NSMAF: variants seen among roughly 807,000 people sequenced by gnomAD.
The protein encoded by NSMAF is protein FAN.
NSMAF carries 90 observed loss-of-function variants against 134.9 expected under a neutral mutation model. The ratio of observed to expected loss-of-function variants is 0.67; its 90% CI spans 0.56 to 0.79. The LOEUF is 0.79. Ranked by LOEUF, NSMAF falls within the 30% of genes least tolerant of loss-of-function variation. The pLI is 0.00. For missense variants in NSMAF, 1,010 were observed against 1,119.0 expected, an observed-to-expected ratio of 0.90 and a Z score of 1.39; for synonymous variants, 358 against 389.6, an observed-to-expected ratio of 0.92 and a Z score of 0.96.
chr8:58,618,259 A>G (rs953899831), intron 9 of NSMAF, among the ~76,000 whole-genome samples: 2 of 152,154 alleles, frequency 1.3e-5, no homozygotes, highest in African/African-American at 2.4e-5. Context: ...ATGTATACCT[A>G]TGTATCAAAC....
At chr8:58,589,707 C>T in intron 25 of NSMAF, 132 bp from the exon 26 acceptor site, 4 of 853,728 alleles carry the variant, frequency 4.7e-6, no homozygotes, top group Non-Finnish European at 6.7e-6. Context: ...ATTGCTTGTT[C>T]TCAAATTACT....
At chr8:58,585,035 CAA>C (rs1272433372) in intron 30 of NSMAF, among the ~76,000 whole-genome samples, 10 of 152,146 alleles carry the variant, frequency 6.6e-5, no homozygotes, top group African/African-American at 2.4e-5. Context: ...CAAGGGATAA[CAA>C]GAGACACTAG....
chr8:58,623,448 A>G, intron 7 of NSMAF, 24 bp from the exon 8 acceptor site: 1 of 1,607,394 alleles, frequency 6.2e-7, no homozygotes, highest in Non-Finnish European at 8.5e-7. Flanking sequence ...AACAGACATG[A>G]ATTTATTTTT....
intron 12 of NSMAF, among the ~76,000 whole-genome samples, chr8:58,604,611 A>G (rs1806362727): frequency 6.6e-6 from 1 of 151,210 alleles, no homozygotes; most frequent in Admixed American, 6.6e-5. Flanking sequence ...CTGAAAGCCA[A>G]GTATTCCTCC....
chr8:58,658,070 T>C (rs1443049511), intron 1 of NSMAF, among the ~76,000 whole-genome samples: 1 of 151,926 alleles, frequency 6.6e-6, no homozygotes, highest in East Asian at 1.9e-4. Flanking sequence ...CCAATATGAG[T>C]ATTGGCACGA....
At position 58,594,413 on chromosome 8, in the gene NSMAF, G is replaced by A. The variant is rs113075924; in HGVS notation, c.1893-123C>T. 27 of 839,712 alleles carry A rather than the reference G, an allele frequency of 3.2e-5. 1 individual carries two copies. The highest frequency in any genetic ancestry group is 1.3e-4 in the African/African-American group (8 of 59,266). The allele number at this position is 839,712 out of a possible 1,614,324, so 52.0% of individuals were successfully genotyped here. ...TTTTTTTCTTCACAGCATGTCTGCCGGATCTGTCCCAGCATAAACCTGCCA... is the reference window on the plus strand; with the variant it reads ...TTTTTTTCTTCACAGCATGTCTGCCAGATCTGTCCCAGCATAAACCTGCCA... On this transcript the variant is annotated intron_variant, in intron 22 of 30. Coordinates refer to ENST00000038176, the MANE Select transcript of NSMAF (RefSeq NM_003580.4).
chr8:58,630,932 T>G (rs1244562162), intron 6 of NSMAF, among the ~76,000 whole-genome samples: 1 of 152,104 alleles, frequency 6.6e-6, no homozygotes, highest in East Asian at 1.9e-4. Context: ...CTGTAAAAAC[T>G]CTCTTTTAGT....
Position 58,586,221 on chromosome 8 carries a change from A to C in NSMAF, c.2447-221T>G. 3 of 620,864 alleles carry C rather than the reference A, an allele frequency of 4.8e-6. No individual in the cohort carries two copies. In the Admixed American group the frequency reaches 8.7e-5, roughly 18 times the overall value. 38.5% of individuals were successfully genotyped at this position (620,864 alleles called of 1,614,324 possible). On this transcript the variant is annotated intron_variant, in intron 28 of 30. Coordinates refer to ENST00000038176, the MANE Select transcript of NSMAF (RefSeq NM_003580.4). ...GATTATGAGTTCATTTTTATCTTAA[A>C]TTAATTTCTCTAATGAGGAATTAAA...
intron 9 of NSMAF, among the ~76,000 whole-genome samples, chr8:58,618,553 G>C (rs1027107299): frequency 1.6e-4 from 25 of 151,676 alleles, no homozygotes; most frequent in African/African-American, 5.8e-4. Flanking sequence ...AGATGGTTCA[G>C]AAAAAATATA....
At chr8:58,653,119 C>T (rs909058160) in intron 1 of NSMAF, among the ~76,000 whole-genome samples, 1 of 151,710 alleles carries the variant, frequency 6.6e-6, no homozygotes, top group Non-Finnish European at 1.5e-5. Context: ...GGTTCTTACA[C>T]TGGTAGAGAG....
Position 58,589,586 on chromosome 8 carries a change from A to G in NSMAF, c.2088-11T>C. 10 of 1,563,954 alleles carry G rather than the reference A, an allele frequency of 6.4e-6. No homozygotes were observed. Among genetic ancestry groups the G allele is most frequent in the Non-Finnish European group, 8.6e-6 (10 of 1,165,506 alleles). ...ATGGAATAAAAATAGCTAAAAGATA[A>G]TGAGAAGCATTAAAACAGTAGTCTG... On this transcript the variant is annotated splice_polypyrimidine_tract_variant and intron_variant, in intron 25 of 30. Coordinates refer to ENST00000038176, the MANE Select transcript of NSMAF (RefSeq NM_003580.4).
intron 2 of NSMAF, among the ~76,000 whole-genome samples, chr8:58,642,422 T>A (rs1300577699): frequency 6.6e-6 from 1 of 152,232 alleles, no homozygotes; most frequent in African/African-American, 2.4e-5. Context: ...TCTGTTTTTA[T>A]AGTAGTGAGT....
chr8:58,618,743 C>T (rs1484958601), intron 9 of NSMAF, among the ~76,000 whole-genome samples: 9 of 152,078 alleles, frequency 5.9e-5, no homozygotes, highest in African/African-American at 1.9e-4. Flanking sequence ...CAACTTGTGA[C>T]AGTTTAAAAT....
Position 58,590,933 on chromosome 8 carries a change from A to C in NSMAF, c.1953T>G (p.Asp651Glu). The C allele has an allele frequency of 6.4e-7, 1 of 1,569,472 alleles. No individual in the cohort carries two copies. Among genetic ancestry groups the C allele is most frequent in the Non-Finnish European group, 8.7e-7 (1 of 1,147,638 alleles). The stretch of plus-strand genomic sequence containing the variant: ...CTTTAGAAAACATCTTCAAGGTGGA[A>C]TCTAATTTAATAATGAGAAGTAGAT... ...NGSSVFTTSQDSTLKMFSKES... is the reference protein window; with the variant it reads ...NGSSVFTTSQESTLKMFSKES... Residue 651 changes from aspartate to glutamate, a missense_variant and splice_region_variant, in exon 24 of 31, where the codon GAT (aspartate) becomes GAG (glutamate). By Grantham distance (45) the Asp-to-Glu change is conservative (BLOSUM62 2). Coordinates refer to ENST00000038176, the MANE Select transcript of NSMAF (RefSeq NM_003580.4).
intron 12 of NSMAF, 136 bp from the exon 13 acceptor site, chr8:58,603,522 A>G (rs1444170918): frequency 2.8e-6 from 2 of 719,340 alleles, no homozygotes; most frequent in Non-Finnish European, 4.5e-6. Flanking sequence ...TAGGCTGCTG[A>G]CTTGTTTTCA....
chr8:58,596,653 A>C (rs1470163223), intron 21 of NSMAF, among the ~76,000 whole-genome samples: 1 of 152,138 alleles, frequency 6.6e-6, no homozygotes, highest in Non-Finnish European at 1.5e-5. Context: ...TGTGGGGCCG[A>C]GCGCGGTGGC....
chr8:58,638,961 A>G (rs142450621), intron 2 of NSMAF, among the ~76,000 whole-genome samples: 31 of 152,336 alleles, frequency 2.0e-4, no homozygotes, highest in African/African-American at 7.5e-4. Context: ...AAAGACAGGC[A>G]GAGGACCTGA....
At position 58,603,205 on chromosome 8, in the gene NSMAF, G is replaced by A. The variant is rs756789542; in HGVS notation, c.1045+5C>T. 9.3e-6 allele frequency: 15 copies of A among 1,613,702 alleles called. No individual in the cohort carries two copies. The South Asian group carries it at 1.1e-4, about 12-fold the overall frequency. The stretch of plus-strand genomic sequence containing the variant: ...CTTGGTCAGAATTCCACGTGTGGCA[G>A]TTACCTAGTTCTGAGCTGGAATAAT... On this transcript the variant is annotated splice_donor_5th_base_variant and intron_variant, in intron 13 of 30. Coordinates refer to ENST00000038176, the MANE Select transcript of NSMAF (RefSeq NM_003580.4).
chr8:58,589,913 C>G, intron 25 of NSMAF, 94 bp downstream of exon 25: 1 of 1,020,076 alleles, frequency 9.8e-7, no homozygotes, highest in Non-Finnish European at 1.5e-6. Context: ...GTGCTGTGTC[C>G]TGGCAGGGAA....
Sources: allele counts gnomAD v4.1 joint callset (sites outside exome capture counted in the v4.1 genomes callset), GRCh38; gene constraint gnomAD v4.1.1; transcripts MANE v1.5; gene names NCBI Gene and HGNC (gene_info 2026-07-23, HGNC 2026-07-21).